IL1R1: variants seen among roughly 807,000 people sequenced by gnomAD.
IL1R1 encodes the protein interleukin 1 receptor type 1, also known as interleukin-1 receptor type 1.
A neutral mutation model predicts 50.2 loss-of-function variants in IL1R1; 22 were observed. The observed-to-expected ratio is 0.44, with a 90% CI of 0.31 to 0.63. The LOEUF (loss-of-function observed/expected upper bound fraction) is 0.63. Ranked by LOEUF, IL1R1 falls within the 20% of genes least tolerant of loss-of-function variation. The pLI is 0.07. For missense variants in IL1R1, 509 were observed against 676.2 expected (o/e 0.75, Z 2.74); for synonymous variants, 251 against 236.7 (o/e 1.06, Z -0.55).
intron 1 of IL1R1, among the ~76,000 whole-genome samples, chr2:102,117,877 T>A (rs1344368570): frequency 6.6e-6 from 1 of 151,670 alleles, no homozygotes; most frequent in Non-Finnish European, 1.5e-5. Context: ...TCCGTCAAAA[T>A]CAGTCCTCTG....
chr2:102,075,917 T>C (rs1012143302), intron 1 of IL1R1, among the ~76,000 whole-genome samples: 2 of 152,184 alleles, frequency 1.3e-5, no homozygotes, highest in South Asian at 4.1e-4. Context: ...CAGGGAGGGA[T>C]CAACAGTGCA....
chr2:102,108,165 T>C (rs1318668237), intron 1 of IL1R1, among the ~76,000 whole-genome samples: 2 of 152,070 alleles, frequency 1.3e-5, no homozygotes, highest in African/African-American at 4.8e-5. Flanking sequence ...TCTGGAGAGC[T>C]GCATGCTGAA....
intron 1 of IL1R1, among the ~76,000 whole-genome samples, chr2:102,074,746 C>T (rs2104271729): frequency 6.6e-6 from 1 of 152,180 alleles, no homozygotes; most frequent in East Asian, 1.9e-4. Flanking sequence ...GGAATTTTCA[C>T]AATGGCTTTT....
intron 1 of IL1R1, chr2:102,104,951 A>C (rs1012814975): frequency 6.6e-6 from 1 of 152,108 alleles, no homozygotes; most frequent in Non-Finnish European, 1.5e-5. Context: ...TTACACATTA[A>C]TGAGGTATTT....
upstream of IL1R1, among the ~76,000 whole-genome samples, chr2:102,103,746 G>A (rs1278839075): frequency 1.3e-5 from 2 of 152,204 alleles, no homozygotes; most frequent in African/African-American, 4.8e-5. Context: ...TGTAACCCCA[G>A]CACTTTGGGA....
In IL1R1 at chr2:102,171,869, G is replaced by A; in HGVS notation, c.790G>A (p.Gly264Arg). 6.2e-7 allele frequency: 1 copy of A among 1,609,738 alleles called. No homozygotes were observed. Among genetic ancestry groups the A allele is most frequent in the Admixed American group, 1.7e-5 (1 of 59,846 alleles). Residue 264 changes from glycine to arginine, a missense_variant, in exon 8 of 12, where the codon GGG becomes AGG. Gly to Arg is a moderately radical substitution (Grantham distance 125). Transcript: ENST00000410023. Reference sequence around the variant, plus strand: ...TGACATTGCTTACTGGAAGTGGAATGGGTCAGTAATTGATGAAGATGACCC... The same window carrying A: ...TGACATTGCTTACTGGAAGTGGAATAGGTCAGTAATTGATGAAGATGACCC... ...LSDIAYWKWNGSVIDEDDPVL... is the reference protein window; with the variant it reads ...LSDIAYWKWNRSVIDEDDPVL...
Position 102,085,501 on chromosome 2 carries a change from G to A in IL1R1, c.-84+14968G>A, listed in dbSNP as rs145990028. Among the ~76,000 whole-genome samples the A allele has an allele frequency of 6.8e-3, 1,034 of 152,188 alleles. 5 individuals carry two copies. The highest frequency in any genetic ancestry group is 0.031 in the Middle Eastern group (9 of 294). ...TCTTTTCTCTCTTCAGTTCAGTGGC[G>A]TGTTGGGCATAAATCAGGTAACTAT... On this transcript the variant is annotated intron_variant, in intron 1 of 11. Coordinates refer to the IL1R1 transcript ENST00000409929.
intron 1 of IL1R1, among the ~76,000 whole-genome samples, chr2:102,122,752 C>T (rs1231206536): frequency 2.6e-5 from 4 of 152,218 alleles, no homozygotes; most frequent in Non-Finnish European, 5.9e-5. Flanking sequence ...GCTTTTCTCT[C>T]TCTCTCTTTG....
intron 2 of IL1R1, among the ~76,000 whole-genome samples, 199 bp downstream of exon 2, chr2:102,154,216 G>A (rs1366654234): frequency 6.6e-6 from 1 of 152,186 alleles, no homozygotes; most frequent in African/African-American, 2.4e-5. Flanking sequence ...CCCAGTAACA[G>A]CCAATGCCTG....
At chr2:102,119,064 T>A (rs1373194897) in intron 1 of IL1R1, among the ~76,000 whole-genome samples, 1 of 152,032 alleles carries the variant, frequency 6.6e-6, no homozygotes, top group African/African-American at 2.4e-5. Flanking sequence ...AGTTGTTTTT[T>A]ATCTATCTCA....
At chr2:102,072,536 T>G (rs1419013419) in intron 1 of IL1R1, among the ~76,000 whole-genome samples, 1 of 152,190 alleles carries the variant, frequency 6.6e-6, no homozygotes, top group Non-Finnish European at 1.5e-5. Flanking sequence ...TCACATTTCT[T>G]TGGTTATTAG....
intron 1 of IL1R1, among the ~76,000 whole-genome samples, chr2:102,083,439 C>A (rs1310091402): frequency 3.3e-5 from 5 of 151,958 alleles, no homozygotes; most frequent in Admixed American, 3.3e-4. Flanking sequence ...TGTGTGTAAT[C>A]CTACTAGTTC....
At chr2:102,166,313 G>C (rs200778026) in intron 6 of IL1R1, 32 bp downstream of exon 6, 45 of 1,546,042 alleles carry the variant, frequency 2.9e-5, no homozygotes, top group Non-Finnish European at 3.8e-5. Context: ...AAAAGGTTTA[G>C]ATCTGGGAAG....
In IL1R1 at chr2:102,164,811, G is replaced by C; in HGVS notation, c.99G>C (p.Val33=). The C allele has an allele frequency of 6.2e-7, 1 of 1,613,838 alleles. No homozygotes were observed. The highest frequency in any genetic ancestry group is 8.5e-7 in the Non-Finnish European group (1 of 1,179,898). ...AACGTGAAGAAAAAATAATTTTAGTGTCATCTGCAAATGAAATTGATGTTC... is the reference window on the plus strand; with the variant it reads ...AACGTGAAGAAAAAATAATTTTAGTCTCATCTGCAAATGAAATTGATGTTC... ...CKEREEKIIL[V]SSANEIDVRP... Residue 33 remains valine, a synonymous_variant, in exon 4 of 12, where the codon GTG becomes GTC. Transcript: ENST00000410023.
At chr2:102,076,965 T>G (rs1050377512) in intron 1 of IL1R1, among the ~76,000 whole-genome samples, 16 of 152,212 alleles carry the variant, frequency 1.1e-4, no homozygotes, top group Non-Finnish European at 1.8e-4. Context: ...CTACAATTCA[T>G]TAATGCTCTG....
At chr2:102,083,073 G>A (rs555293054) in intron 1 of IL1R1, among the ~76,000 whole-genome samples, 4 of 152,290 alleles carry the variant, frequency 2.6e-5, no homozygotes, top group East Asian at 3.9e-4. Flanking sequence ...GGGCTGGCAC[G>A]TGACTTTGCA....
chr2:102,169,505 A>T (rs1685490160), intron 7 of IL1R1, among the ~76,000 whole-genome samples: 1 of 152,230 alleles, frequency 6.6e-6, no homozygotes, highest in African/African-American at 2.4e-5. Context: ...TTCCAACATC[A>T]CTGAAAGTTC....
chr2:102,170,820 G>A (rs2104610960), intron 7 of IL1R1, among the ~76,000 whole-genome samples: 2 of 152,326 alleles, frequency 1.3e-5, no homozygotes, highest in African/African-American at 4.8e-5. Context: ...CAGCACTTTG[G>A]TAGGCCAAGG....
At chr2:102,111,120 A>G (rs766628748) in intron 1 of IL1R1, among the ~76,000 whole-genome samples, 133 of 152,322 alleles carry the variant, frequency 8.7e-4, no homozygotes, top group Middle Eastern at 3.4e-3. Flanking sequence ...AGGCCAGAGC[A>G]TGGTGGGTGT....
Sources: allele counts gnomAD v4.1 joint callset (sites outside exome capture counted in the v4.1 genomes callset), GRCh38; gene constraint gnomAD v4.1.1; transcripts MANE v1.5; gene names NCBI Gene and HGNC (gene_info 2026-07-23, HGNC 2026-07-21).